Variants in GLRA1 observed in about 807,000 individuals in gnomAD.
The protein encoded by GLRA1 is glycine receptor alpha 1.
A neutral mutation model predicts 48.3 loss-of-function variants in GLRA1; 37 were observed. The ratio of observed to expected loss-of-function variants is 0.77; its 90% CI spans 0.59 to 1.01. The LOEUF (loss-of-function observed/expected upper bound fraction) is 1.01. Ranked by LOEUF, GLRA1 falls within the 50% of genes least tolerant of loss-of-function variation. The pLI, the probability that GLRA1 is intolerant of heterozygous loss-of-function variation, is 0.00. For synonymous variants in GLRA1, 196 were observed against 210.7 expected (o/e 0.93, Z 0.60); for missense variants, 427 against 571.0 (o/e 0.75, Z 2.57).
At chr5:151,919,111 A>G (rs557965878) in intron 1 of GLRA1, among the ~76,000 whole-genome samples, 2 of 152,328 alleles carry the variant, frequency 1.3e-5, no homozygotes, top group East Asian at 3.9e-4. Flanking sequence ...AAAGAATCAC[A>G]TATCTTTACT....
At position 151,849,213 on chromosome 5, in the gene GLRA1, CCTTT is replaced by C. The variant is rs1333209981; in HGVS notation, c.912+2173_912+2176del. ...TTTTCTTTCTTTTCTTTCTTTCCTT[CCTTT>C]CTTCCTTCCTTCCTTCCTTCCTTCC... On this transcript the variant is annotated intron_variant, in intron 7 of 8. Coordinates refer to ENST00000274576, the MANE Select transcript of GLRA1 (RefSeq NM_000171.4). The C allele has an allele frequency of 1.0e-3, 79 of 78,326 alleles. 2 individuals carry two copies. The highest frequency in any genetic ancestry group is 3.2e-3 in the African/African-American group (49 of 15,418). The allele number at this position is 78,326 out of a possible 1,614,324, so 4.9% of individuals were successfully genotyped here.
intron 1 of GLRA1, among the ~76,000 whole-genome samples, chr5:151,924,097 G>A (rs1754946856): frequency 6.6e-6 from 1 of 152,210 alleles, no homozygotes; most frequent in Non-Finnish European, 1.5e-5. Context: ...CGGCACTGCG[G>A]TTAGGGAGAA....
intron 2 of GLRA1, among the ~76,000 whole-genome samples, chr5:151,890,070 A>C (rs1382189131): frequency 6.6e-6 from 1 of 152,146 alleles, no homozygotes; most frequent in Non-Finnish European, 1.5e-5. Context: ...TTATTTCTTA[A>C]AAATGCCCAC....
At chr5:151,830,886 T>G (rs1363992897) in intron 7 of GLRA1, among the ~76,000 whole-genome samples, 2 of 152,332 alleles carry the variant, frequency 1.3e-5, no homozygotes, top group East Asian at 3.9e-4. Context: ...AGCTCCGGTC[T>G]GCAGCTCCCA....
intron 7 of GLRA1, among the ~76,000 whole-genome samples, chr5:151,834,975 C>G (rs751131351): frequency 4.3e-5 from 6 of 141,028 alleles, no homozygotes; most frequent in Non-Finnish European, 7.5e-5. Flanking sequence ...TTGCAGTGAG[C>G]CAAGATTGCG....
chr5:151,844,406 G>A (rs1422183111), intron 7 of GLRA1, among the ~76,000 whole-genome samples: 2 of 151,964 alleles, frequency 1.3e-5, no homozygotes, highest in Non-Finnish European at 2.9e-5. Flanking sequence ...CAGATTGCTT[G>A]AGGTCAGAAG....
intron 1 of GLRA1, among the ~76,000 whole-genome samples, chr5:151,917,235 T>G (rs1243556779): frequency 6.6e-6 from 1 of 152,168 alleles, no homozygotes; most frequent in African/African-American, 2.4e-5. Context: ...GCTTTGGAAA[T>G]GCAGATGCTC....
At position 151,839,133 on chromosome 5, in the gene GLRA1, G is replaced by C. The variant is rs776188561; in HGVS notation, c.913-10066C>G. ...TTCAAAGTGCTGAAAGGAAAAGACT[G>C]CCAATTTTTCTCAAGAATTCTGTAT... is the stretch of plus-strand genomic sequence containing the variant. On this transcript the variant is annotated intron_variant, in intron 7 of 8. Transcript: ENST00000274576. Among the ~76,000 whole-genome samples the C allele has an allele frequency of 2.2e-4, 33 of 152,298 alleles. No homozygotes were observed. In the South Asian group the frequency reaches 2.7e-3, roughly 12 times the overall value.
At chr5:151,847,367 T>C (rs1469437182) in intron 7 of GLRA1, among the ~76,000 whole-genome samples, 1 of 152,196 alleles carries the variant, frequency 6.6e-6, no homozygotes, top group African/African-American at 2.4e-5. Context: ...GAACAGAATG[T>C]TGTACCTCAA....
intron 7 of GLRA1, chr5:151,850,298 C>T (rs1307444334): frequency 6.2e-7 from 1 of 1,602,248 alleles, no homozygotes; most frequent in East Asian, 2.2e-5. Flanking sequence ...AAACCGGACC[C>T]TGTGAAAGAA....
chr5:151,826,637 G>A (rs1763277469), intron 8 of GLRA1, among the ~76,000 whole-genome samples: 1 of 152,190 alleles, frequency 6.6e-6, no homozygotes, highest in African/African-American at 2.4e-5. Context: ...GGAGGGAACA[G>A]AGCAGGAGAA....
Position 151,892,435 on chromosome 5 carries a change from A to C in GLRA1, c.60T>G (p.Leu20=). 1.2e-6 allele frequency: 2 copies of C among 1,614,006 alleles called. No individual in the cohort carries two copies. Among genetic ancestry groups the C allele is most frequent in the Non-Finnish European group, 1.7e-6 (2 of 1,179,906 alleles). ...YLWETIVFFS[L]AASKEAEAAR... ...CAGCTTCAGCCTCCTTAGAAGCAGC[A>C]AGGCTAAGGAGGAAGAGAGGAGAGC... Residue 20 remains leucine, a synonymous_variant, in exon 2 of 9, where the codon CTT becomes CTG. Transcript: ENST00000274576.
At chr5:151,881,693 G>C (rs911714789) in intron 3 of GLRA1, among the ~76,000 whole-genome samples, 2 of 151,990 alleles carry the variant, frequency 1.3e-5, no homozygotes, top group African/African-American at 4.8e-5. Context: ...GACTCAAAGA[G>C]AGTCCCAGAA....
At chr5:151,850,846 A>C in intron 7 of GLRA1, 1 of 694,300 alleles carries the variant, frequency 1.4e-6, no homozygotes. Context: ...ATCCCACTCC[A>C]ACTCTTCCCC....
intron 3 of GLRA1, among the ~76,000 whole-genome samples, chr5:151,873,107 T>G (rs774033293): frequency 6.7e-6 from 1 of 149,682 alleles, no homozygotes. Context: ...GTATTACTAA[T>G]GCACTTTAAA....
chr5:151,856,862 T>TAC (rs971221691), intron 4 of GLRA1, among the ~76,000 whole-genome samples: 3 of 152,170 alleles, frequency 2.0e-5, no homozygotes, highest in Non-Finnish European at 4.4e-5. Flanking sequence ...GCAAATTACA[T>TAC]ACACACACAT....
intron 7 of GLRA1, among the ~76,000 whole-genome samples, chr5:151,842,082 A>C (rs7715874): frequency 0.38 from 57,684 of 150,078 alleles, 11,278 homozygotes; most frequent in South Asian, 0.46. Flanking sequence ...AAAAATAGAA[A>C]CTTTGAATAC....
chr5:151,823,570 CAAG>C (rs1561543952), intron 8 of GLRA1, among the ~76,000 whole-genome samples: 1 of 152,202 alleles, frequency 6.6e-6, no homozygotes, highest in African/African-American at 2.4e-5. Context: ...TTCCGTTCTA[CAAG>C]CCAGGGAAGC....
At position 151,924,759 on chromosome 5, in the gene GLRA1, C is replaced by T. The variant is rs551386970; in HGVS notation, c.-210G>A. ...CAGCGGCGGCTGCGAGGCGTTTCAG[C>T]ACCACGGAGAGCGTCCAGACCTGCT... is the stretch of plus-strand genomic sequence containing the variant. On this transcript the variant is annotated 5_prime_UTR_variant, in exon 1 of 9. Coordinates refer to ENST00000274576, the MANE Select transcript of GLRA1 (RefSeq NM_000171.4). The T allele has an allele frequency of 9.4e-6, 6 of 639,714 alleles. No homozygotes were observed. The highest frequency in any genetic ancestry group is 2.8e-6 in the Non-Finnish European group (1 of 354,168). 39.6% of individuals were successfully genotyped at this position (639,714 alleles called of 1,614,324 possible).
Sources: gnomAD v4.1 joint callset for allele counts (sites outside exome capture counted in the v4.1 genomes callset) on GRCh38, gnomAD v4.1.1 for gene constraint, MANE v1.5 for transcripts, NCBI Gene and HGNC (gene_info 2026-07-23, HGNC 2026-07-21) for gene names.